RERE: variants seen among roughly 807,000 people sequenced by gnomAD.
The protein encoded by RERE is arginine-glutamic acid dipeptide repeats protein.
Under a neutral mutation model 146.1 loss-of-function variants are expected in RERE, and 40 were observed. The ratio of observed to expected loss-of-function variants is 0.27; its 90% CI spans 0.21 to 0.36. RERE has a LOEUF of 0.36. Ranked by LOEUF, RERE falls within the 10% of genes least tolerant of loss-of-function variation. The pLI, the probability that RERE is intolerant of heterozygous loss-of-function variation, is 1.00. For missense variants in RERE, 1,933 were observed against 2,138.7 expected (o/e 0.90, Z 1.90); for synonymous variants, 1,003 against 866.0 (o/e 1.16, Z -2.78).
intron 2 of RERE, among the ~76,000 whole-genome samples, chr1:8,624,953 T>G (rs1646957265): frequency 6.6e-6 from 1 of 152,210 alleles, no homozygotes; most frequent in African/African-American, 2.4e-5. Context: ...CCTAAACACA[T>G]TTTATTTTCT....
At chr1:8,458,751 T>C (rs1317950816) in intron 11 of RERE, among the ~76,000 whole-genome samples, 1 of 152,204 alleles carries the variant, frequency 6.6e-6, no homozygotes. Context: ...ATGGGCATAC[T>C]AACTTCTTTG....
At chr1:8,742,681 C>T (rs1640332268) in intron 1 of RERE, among the ~76,000 whole-genome samples, 2 of 151,876 alleles carry the variant, frequency 1.3e-5, no homozygotes, top group African/African-American at 4.8e-5. Context: ...ATTAGCCAGG[C>T]ATGAAGGCTA....
At chr1:8,721,273 T>C (rs1167453470) in intron 1 of RERE, among the ~76,000 whole-genome samples, 1 of 151,994 alleles carries the variant, frequency 6.6e-6, no homozygotes, top group Non-Finnish European at 1.5e-5. Flanking sequence ...AATGGAAGAG[T>C]TGAACCGAAA....
rs1570024195 is a variant in RERE, at chr1:8,358,726, C to T, written c.3809G>A (p.Arg1270His). Reference sequence around the variant, plus strand: ...AAGGGGCATGTAGAAGGGGTGGTTGCGGTTGGTGGGCGACATGACGTGGGG... The same window carrying T: ...AAGGGGCATGTAGAAGGGGTGGTTGTGGTTGGTGGGCGACATGACGTGGGG... ...ARPHVMSPTN[R>H]NHPFYMPLNP... The change falls in exon 20 of 23, where the codon CGC becomes CAC. Residue 1270 changes from arginine (R) to histidine (H), a missense_variant. Around this residue, in one of 11 missense-constraint regions of RERE, gnomAD observed 1,255 missense variants for 1,153.8 expected, o/e 1.09. Coordinates refer to ENST00000400908, the MANE Select transcript of RERE (RefSeq NM_001042681.2). 5.0e-6 allele frequency: 8 copies of T among 1,604,858 alleles called. No individual in the cohort carries two copies. Among genetic ancestry groups the T allele is most frequent in the Non-Finnish European group, 6.8e-6 (8 of 1,174,648 alleles).
At chr1:8,392,953 T>C (rs556414072) in intron 12 of RERE, among the ~76,000 whole-genome samples, 1 of 152,316 alleles carries the variant, frequency 6.6e-6, no homozygotes, top group Non-Finnish European at 1.5e-5. Context: ...TTCTAAACCA[T>C]GTAGAGACGG....
chr1:8,618,179 C>T (rs1329231714), intron 3 of RERE, among the ~76,000 whole-genome samples: 1 of 152,160 alleles, frequency 6.6e-6, no homozygotes, highest in African/African-American at 2.4e-5. Context: ...ACCTAAGGTA[C>T]CAACTAAACA....
At chr1:8,626,564 CAA>C (rs1240404336) in intron 2 of RERE, among the ~76,000 whole-genome samples, 2 of 152,144 alleles carry the variant, frequency 1.3e-5, no homozygotes, top group Non-Finnish European at 2.9e-5. Flanking sequence ...TCTCCAACCA[CAA>C]ACATTCCAAT....
intron 10 of RERE, among the ~76,000 whole-genome samples, chr1:8,488,810 GT>G (rs1321394293): frequency 6.6e-6 from 1 of 152,112 alleles, no homozygotes; most frequent in African/African-American, 2.4e-5. Flanking sequence ...AATGAGAAAA[GT>G]TTTTCCAACC....
At chr1:8,390,393 G>A (rs1642843272) in intron 12 of RERE, among the ~76,000 whole-genome samples, 1 of 152,210 alleles carries the variant, frequency 6.6e-6, no homozygotes, top group Non-Finnish European at 1.5e-5. Flanking sequence ...AGTTTTGGGA[G>A]CTAGCTGCTC....
chr1:8,735,309 T>G (rs1382821083), intron 1 of RERE, among the ~76,000 whole-genome samples: 5 of 152,110 alleles, frequency 3.3e-5, no homozygotes, highest in African/African-American at 4.8e-5. Flanking sequence ...GTTTAAAAAT[T>G]TATAATATAT....
chr1:8,801,174 C>T (rs545910873), intron 1 of RERE, among the ~76,000 whole-genome samples: 5 of 152,080 alleles, frequency 3.3e-5, no homozygotes, highest in African/African-American at 1.2e-4. Flanking sequence ...ATGGGAAGAT[C>T]GCTTGAGCCC....
intron 1 of RERE, among the ~76,000 whole-genome samples, chr1:8,754,283 G>C (rs1640593697): frequency 6.6e-6 from 1 of 151,484 alleles, no homozygotes; most frequent in Non-Finnish European, 1.5e-5. Flanking sequence ...TGGAGTTGCA[G>C]AGTATGTGTG....
At chr1:8,413,211 C>T (rs571629027) in intron 12 of RERE, among the ~76,000 whole-genome samples, 1 of 152,228 alleles carries the variant, frequency 6.6e-6, no homozygotes, top group East Asian at 1.9e-4. Context: ...AAATGAGGTC[C>T]CTGCCCAGAA....
chr1:8,412,215 A>C (rs1258359261), intron 12 of RERE, among the ~76,000 whole-genome samples: 1 of 152,220 alleles, frequency 6.6e-6, no homozygotes, highest in Non-Finnish European at 1.5e-5. Flanking sequence ...ACAAAGCGAC[A>C]ATGGCAGCAG....
intron 15 of RERE, 46 bp from the exon 16 acceptor site, chr1:8,362,890 C>T (rs950338712): frequency 5.1e-6 from 8 of 1,577,952 alleles, no homozygotes; most frequent in Non-Finnish European, 6.9e-6. Context: ...TCCCAGTCCC[C>T]ATGTGGACCC....
At chr1:8,564,893 A>C in intron 4 of RERE, among the ~76,000 whole-genome samples, 1 of 134,554 alleles carries the variant, frequency 7.4e-6, no homozygotes, top group African/African-American at 2.8e-5. Flanking sequence ...TAAAACTACT[A>C]TTCAGTCTTT....
intron 10 of RERE, among the ~76,000 whole-genome samples, chr1:8,479,506 A>G (rs1201370384): frequency 6.6e-6 from 1 of 152,216 alleles, no homozygotes; most frequent in Non-Finnish European, 1.5e-5. Context: ...ATGATTCTAG[A>G]TAACTCAGGT....
intron 3 of RERE, among the ~76,000 whole-genome samples, chr1:8,620,245 C>T (rs1646901285): frequency 2.6e-5 from 4 of 152,104 alleles, no homozygotes; most frequent in Admixed American, 2.0e-4. Context: ...TTACTCAGAG[C>T]GAACAGGATA....
At chr1:8,681,430 G>C (rs967985554) in intron 1 of RERE, among the ~76,000 whole-genome samples, 6 of 152,104 alleles carry the variant, frequency 3.9e-5, no homozygotes, top group African/African-American at 1.4e-4. Context: ...TTTCAGTTTA[G>C]CTAAGCTTTC....
Sources: gnomAD v4.1 joint callset for allele counts (sites outside exome capture counted in the v4.1 genomes callset) on GRCh38, gnomAD v4.1.1 for gene constraint, gnomAD v4.1.1 regional missense constraint, MANE v1.5 for transcripts, NCBI Gene and HGNC (gene_info 2026-07-23, HGNC 2026-07-21) for gene names.